The following SLC8A1 variants were observed in gnomAD, a reference collection of about 807,000 sequenced individuals.
SLC8A1 encodes solute carrier family 8 member A1, also known as sodium/calcium exchanger 1.
A neutral mutation model predicts 68.3 loss-of-function variants in SLC8A1; 18 were observed. The observed-to-expected ratio is 0.26, with a 90% CI of 0.18 to 0.39. The LOEUF is 0.39. SLC8A1 is among the 10% of genes least tolerant of loss of function. SLC8A1 has a pLI of 1.00. For missense variants in SLC8A1, 985 were observed against 1,156.7 expected (o/e 0.85, Z 2.15); for synonymous variants, 475 against 415.5 (o/e 1.14, Z -1.74).
At chr2:40,407,646 A>G (rs142021017) in intron 2 of SLC8A1, among the ~76,000 whole-genome samples, 125 of 152,272 alleles carry the variant, frequency 8.2e-4, no homozygotes, top group African/African-American at 2.9e-3. Context: ...GGTGCACTGC[A>G]TTTTGATTGC....
chr2:40,203,535 C>T (rs1394073392), intron 2 of SLC8A1, among the ~76,000 whole-genome samples: 1 of 151,964 alleles, frequency 6.6e-6, no homozygotes, highest in Admixed American at 6.6e-5. Flanking sequence ...GCTAACACTT[C>T]CATTAGTTGC....
chr2:40,318,840 G>C (rs991449224), intron 2 of SLC8A1, among the ~76,000 whole-genome samples: 2 of 152,116 alleles, frequency 1.3e-5, no homozygotes, highest in East Asian at 1.9e-4. Context: ...CAACGCTTAG[G>C]AAAGTTATTC....
chr2:40,382,733 C>A (rs1057115050), intron 2 of SLC8A1, among the ~76,000 whole-genome samples: 14 of 151,960 alleles, frequency 9.2e-5, no homozygotes, highest in African/African-American at 3.4e-4. Context: ...ACTGGTGGAC[C>A]TTTGCTTAAA....
chr2:40,498,829 TTAA>T (rs1179816734), intron 1 of SLC8A1, among the ~76,000 whole-genome samples: 2 of 152,064 alleles, frequency 1.3e-5, no homozygotes, highest in African/African-American at 4.8e-5. Flanking sequence ...CATAAAAATC[TTAA>T]TAGAGGAAAT....
intron 2 of SLC8A1, among the ~76,000 whole-genome samples, chr2:40,380,838 G>A (rs914535443): frequency 2.0e-5 from 3 of 152,034 alleles, no homozygotes; most frequent in Non-Finnish European, 4.4e-5. Context: ...AGGGTTACCA[G>A]GTGTCCTACT....
At chr2:40,371,970 C>T (rs891330660) in intron 2 of SLC8A1, among the ~76,000 whole-genome samples, 2 of 152,084 alleles carry the variant, frequency 1.3e-5, no homozygotes, top group South Asian at 4.1e-4. Context: ...AACATCCTAC[C>T]CATGACTTAA....
chr2:40,423,405 G>A (rs921546044), intron 2 of SLC8A1, among the ~76,000 whole-genome samples: 2 of 151,956 alleles, frequency 1.3e-5, no homozygotes, highest in African/African-American at 4.8e-5. Flanking sequence ...AGTATAAGGA[G>A]CATATTTTTT....
intron 2 of SLC8A1, among the ~76,000 whole-genome samples, chr2:40,294,790 C>T (rs1312083820): frequency 6.6e-6 from 1 of 152,034 alleles, no homozygotes; most frequent in Non-Finnish European, 1.5e-5. Flanking sequence ...AAAACAATAA[C>T]TAAAAAGGTA....
At chr2:40,349,631 T>C (rs1675267996) in intron 2 of SLC8A1, among the ~76,000 whole-genome samples, 1 of 152,172 alleles carries the variant, frequency 6.6e-6, no homozygotes, top group Admixed American at 6.5e-5. Flanking sequence ...GAAAAGCATT[T>C]AGCACAGTGC....
chr2:40,451,225 A>G (rs1050476703), intron 1 of SLC8A1, among the ~76,000 whole-genome samples: 1 of 152,070 alleles, frequency 6.6e-6, no homozygotes, highest in Non-Finnish European at 1.5e-5. Flanking sequence ...TTCCCTTCCA[A>G]TCTCTTGGGG....
At chr2:40,120,427 C>T (rs538055677) in intron 7 of SLC8A1, among the ~76,000 whole-genome samples, 7 of 152,306 alleles carry the variant, frequency 4.6e-5, no homozygotes, top group South Asian at 4.2e-4. Flanking sequence ...AAGAGACTCT[C>T]GGCTCTTCCA....
rs72936403 is a variant in SLC8A1, at chr2:40,502,336, G to A, written c.-25+10013C>T. Among the ~76,000 whole-genome samples the A allele has an allele frequency of 8.0e-3, 1,215 of 152,034 alleles. 20 individuals carry two copies. Among genetic ancestry groups the A allele is most frequent in the African/African-American group, 0.028 (1,157 of 41,492 alleles). On this transcript the variant is annotated intron_variant, in intron 1 of 7. Transcript: ENST00000402441. ...CTCTCAGGTTTGCGGACTATGGTCT[G>A]GTTTTCAACCTCTGCAATTTTCTTT...
chr2:40,241,718 A>G, intron 2 of SLC8A1, among the ~76,000 whole-genome samples: 1 of 152,182 alleles, frequency 6.6e-6, no homozygotes, highest in South Asian at 2.1e-4. Context: ...ACAGACACCC[A>G]TACTGAATCC....
chr2:40,193,133 C>G (rs2052218035), intron 2 of SLC8A1, among the ~76,000 whole-genome samples: 1 of 152,106 alleles, frequency 6.6e-6, no homozygotes, highest in South Asian at 2.1e-4. Flanking sequence ...AGGCAGCTTA[C>G]ATATGTTTTA....
intron 2 of SLC8A1, among the ~76,000 whole-genome samples, chr2:40,396,588 C>G (rs1196744219): frequency 1.3e-5 from 2 of 151,488 alleles, no homozygotes; most frequent in Admixed American, 1.3e-4. Context: ...CCTGGAAAAA[C>G]TAGTTGGCAA....
chr2:40,159,860 G>C (rs1454753988), intron 6 of SLC8A1, among the ~76,000 whole-genome samples: 2 of 152,154 alleles, frequency 1.3e-5, no homozygotes, highest in African/African-American at 2.4e-5. Flanking sequence ...CCCTGTGGCA[G>C]ACTGGAAAAA....
rs72939995 is a variant in SLC8A1 at position 40,374,999 on chromosome 2, A to C, written c.1808+53474T>G. ...ACTAGAAAGGTAATTCCAGAGTAAT[A>C]AATCTTCCATGGAGAGCTCTCTACC... On this transcript the variant is annotated intron_variant, in intron 2 of 7. Transcript: ENST00000406785. 7.8e-3 allele frequency among the ~76,000 whole-genome samples: 1,181 copies of C among 152,200 alleles called. 28 individuals carry two copies. The highest frequency in any genetic ancestry group is 0.026 in the African/African-American group (1,083 of 41,552).
At chr2:40,177,623 A>G in intron 3 of SLC8A1, 1 of 566,460 alleles carries the variant, frequency 1.8e-6, no homozygotes, top group African/African-American at 1.9e-5. Flanking sequence ...GAAATTGCTA[A>G]AGCTTCAAAG....
At chr2:40,127,794 T>TA (rs2038461958) in intron 7 of SLC8A1, among the ~76,000 whole-genome samples, 1 of 152,138 alleles carries the variant, frequency 6.6e-6, no homozygotes, top group Non-Finnish European at 1.5e-5. Flanking sequence ...AGAAAACAAA[T>TA]ACAACACATA....
Sources: allele counts gnomAD v4.1 joint callset (sites outside exome capture counted in the v4.1 genomes callset), GRCh38; gene constraint gnomAD v4.1.1; transcripts MANE v1.5; gene names NCBI Gene and HGNC (gene_info 2026-07-23, HGNC 2026-07-21).